The following PZP variants were observed in gnomAD, a reference collection of about 807,000 sequenced individuals.
PZP encodes the protein pregnancy zone protein.
Under a neutral mutation model 179.8 loss-of-function variants are expected in PZP, and 150 were observed. That is an observed-to-expected ratio of 0.83 (90% CI 0.73 to 0.96). PZP has a LOEUF of 0.96. Among genes scored for constraint, PZP ranks in the 40% least tolerant of loss-of-function variants. The pLI is 0.00. For missense variants in PZP, 1,689 were observed against 1,764.0 expected (o/e 0.96, Z 0.76); for synonymous variants, 624 against 652.3 (o/e 0.96, Z 0.66).
At chr12:9,179,055 G>C (rs758228314) in intron 15 of PZP, among the ~76,000 whole-genome samples, 3 of 152,146 alleles carry the variant, frequency 2.0e-5, no homozygotes, top group Non-Finnish European at 4.4e-5. Context: ...ATTCATGAGG[G>C]AGTTAAAGCT....
At chr12:9,165,989 GA>G in intron 18 of PZP, 62 bp downstream of exon 18, 1 of 1,528,256 alleles carries the variant, frequency 6.5e-7, no homozygotes, top group South Asian at 1.3e-5. Context: ...TCTTAGAATT[GA>G]AAATGTTGGA....
At chr12:9,147,074 C>T (rs140148055), downstream of PZP, among the ~76,000 whole-genome samples, 8 of 152,308 alleles carry the variant, frequency 5.3e-5, no homozygotes, top group East Asian at 1.5e-3. Context: ...AGCTCCCCGA[C>T]TGGCAAGGCA....
chr12:9,152,436 G>T (rs1008225465), intron 31 of PZP, 126 bp from the exon 32 acceptor site: 1 of 706,736 alleles, frequency 1.4e-6, no homozygotes, highest in East Asian at 2.7e-5. Flanking sequence ...ACAAAGGTCT[G>T]TGTTCCCTGG....
chr12:9,203,704 A>G (rs577894908), intron 2 of PZP, 64 bp downstream of exon 2: 71 of 1,559,874 alleles, frequency 4.6e-5, no homozygotes, highest in Non-Finnish European at 5.6e-5. Context: ...CTCCATCACC[A>G]TGACCTATAG....
chr12:9,206,189 A>G (rs1944430712), intron 1 of PZP, among the ~76,000 whole-genome samples: 2 of 151,910 alleles, frequency 1.3e-5, no homozygotes, highest in South Asian at 4.2e-4. Flanking sequence ...AAAATGTATC[A>G]TTTTTTACAT....
intron 5 of PZP, 73 bp downstream of exon 5, chr12:9,201,254 C>A: frequency 7.3e-7 from 1 of 1,375,292 alleles, no homozygotes; most frequent in South Asian, 1.2e-5. Flanking sequence ...GTTCATCTGT[C>A]TAGAGTATTA....
intron 17 of PZP, chr12:9,168,660 C>T: frequency 2.2e-6 from 1 of 461,340 alleles, no homozygotes; most frequent in Non-Finnish European, 3.8e-6. Context: ...TGATTTTGTG[C>T]CCTGAAGTAT....
chr12:9,149,013 C>A lies in PZP; in HGVS notation c.4427-19G>T. 1 of 1,607,482 alleles carries A rather than the reference C, an allele frequency of 6.2e-7. No homozygotes were observed. The highest frequency in any genetic ancestry group is 8.5e-7 in the Non-Finnish European group (1 of 1,174,166). On this transcript the variant is annotated intron_variant, in intron 35 of 35. Coordinates refer to ENST00000261336, the MANE Select transcript of PZP (RefSeq NM_002864.3). ...TCTGTATCTATGGAGAAAAGAAAAACGTAAGGAGGTTGTATCATTTCCTGA... is the reference window on the plus strand; with the variant it reads ...TCTGTATCTATGGAGAAAAGAAAAAAGTAAGGAGGTTGTATCATTTCCTGA...
chr12:9,157,494 T>G (rs769852137), intron 27 of PZP, 139 bp from the exon 28 acceptor site: 2 of 850,634 alleles, frequency 2.4e-6, no homozygotes, highest in Non-Finnish European at 3.6e-6. Flanking sequence ...CATATTTAAA[T>G]AGAAAAATAT....
the PZP span, among the ~76,000 whole-genome samples, chr12:9,141,497 G>A: frequency 6.6e-6 from 1 of 152,128 alleles, no homozygotes; most frequent in Non-Finnish European, 1.5e-5. Flanking sequence ...CAAACCCACT[G>A]TGCTTTTATT....
rs12307479 is a variant in PZP, at chr12:9,159,077, A to C, written c.3138-501T>G. On this transcript the variant is annotated intron_variant, in intron 25 of 35. Transcript: ENST00000261336. The stretch of plus-strand genomic sequence containing the variant: ...GTGGTAAAACTACAAAGAGAGAGAG[A>C]GAAAGGATATCATCTAGTAGAAGGT... 3.5e-3 allele frequency among the ~76,000 whole-genome samples: 540 copies of C among 152,212 alleles called. 1 individual carries two copies. The highest frequency in any genetic ancestry group is 0.012 in the African/African-American group (514 of 41,520).
At chr12:9,200,508 A>G in intron 6 of PZP, 60 bp from the exon 7 acceptor site, 1 of 1,297,856 alleles carries the variant, frequency 7.7e-7, no homozygotes, top group South Asian at 1.3e-5. Flanking sequence ...AAATACAAAT[A>G]ATTTCAGTAT....
intron 34 of PZP, 108 bp downstream of exon 34, chr12:9,150,536 G>A (rs1246252846): frequency 6.8e-6 from 5 of 738,140 alleles, no homozygotes; most frequent in Non-Finnish European, 1.1e-5. Context: ...TTGGAGGAAA[G>A]AAACAAAAGA....
At chr12:9,150,814 A>G (rs931849924) in intron 33 of PZP, 68 bp from the exon 34 acceptor site, 77 of 970,500 alleles carry the variant, frequency 7.9e-5, no homozygotes, top group Non-Finnish European at 1.1e-4. Flanking sequence ...AGCAAAACAT[A>G]TTCTTATTGT....
intron 13 of PZP, 144 bp from the exon 14 acceptor site, chr12:9,182,261 C>A (rs1942819929): frequency 1.5e-6 from 1 of 682,370 alleles, no homozygotes; most frequent in Non-Finnish European, 2.1e-6. Context: ...CTCTATGTGC[C>A]ATTAGTTATT....
chr12:9,177,449 G>C (rs748557102), intron 15 of PZP, among the ~76,000 whole-genome samples: 7 of 152,184 alleles, frequency 4.6e-5, no homozygotes, highest in African/African-American at 9.7e-5. Flanking sequence ...TCACAAGCTA[G>C]ACCCACCTAG....
At chr12:9,175,677 A>G (rs919812843) in intron 15 of PZP, among the ~76,000 whole-genome samples, 29 of 152,354 alleles carry the variant, frequency 1.9e-4, no homozygotes, top group African/African-American at 7.0e-4. Context: ...AAAAGAAAAC[A>G]TACATACAGC....
At chr12:9,194,678 A>C (rs970871049) in intron 10 of PZP, among the ~76,000 whole-genome samples, 2 of 151,872 alleles carry the variant, frequency 1.3e-5, no homozygotes, top group Non-Finnish European at 2.9e-5. Context: ...GTTAGCCAGG[A>C]TGGTCTCGAT....
In PZP at chr12:9,165,354, C is replaced by A; in HGVS notation, c.2272G>T (p.Ala758Ser). The A allele has an allele frequency of 6.2e-7, 1 of 1,614,042 alleles. No homozygotes were observed. The highest frequency in any genetic ancestry group is 8.5e-7 in the Non-Finnish European group (1 of 1,179,906). ...TCAGGGACTGTTACTCCTACCTCAG[C>A]CACACCTGATGAGCTGGGGAGGAGG... ...ELVAVNSSGV[A>S]EVGVTVPDTI... Residue 758 changes from alanine to serine, a missense_variant, in exon 19 of 36, where the codon GCT (alanine) becomes TCT (serine). Around this residue, in one of 3 missense-constraint regions of PZP, gnomAD observed 201 missense variants for 284.2 expected, o/e 0.71. Transcript: ENST00000261336.
Sources: allele counts gnomAD v4.1 joint callset (sites outside exome capture counted in the v4.1 genomes callset), GRCh38; gene constraint gnomAD v4.1.1; regional missense constraint gnomAD v4.1.1; transcripts MANE v1.5; gene names NCBI Gene and HGNC (gene_info 2026-07-23, HGNC 2026-07-21).